The following MDGA2 variants were observed in gnomAD, a reference collection of about 807,000 sequenced individuals.
The protein encoded by MDGA2 is MAM domain-containing glycosylphosphatidylinositol anchor protein 2.
A neutral mutation model predicts 117.8 loss-of-function variants in MDGA2; 40 were observed. That is an observed-to-expected ratio of 0.34 (90% CI 0.26 to 0.44). MDGA2 has a LOEUF of 0.44. MDGA2 is among the 20% of genes least tolerant of loss of function. The probability of loss-of-function intolerance (pLI) is 1.00; values close to 1 mark genes in which losing one functional copy is unlikely to be tolerated. For synonymous variants in MDGA2, 452 were observed against 439.0 expected, an observed-to-expected ratio of 1.03 and a Z score of -0.37; for missense variants, 1,123 against 1,250.6, an observed-to-expected ratio of 0.90 and a Z score of 1.54.
intron 1 of MDGA2, among the ~76,000 whole-genome samples, chr14:47,632,064 T>C (rs552028171): frequency 5.3e-5 from 8 of 152,260 alleles, no homozygotes; most frequent in South Asian, 2.1e-4. Context: ...CATGAAACCA[T>C]ATGAATACTG....
chr14:47,488,436 C>T (rs1020372877), intron 1 of MDGA2, among the ~76,000 whole-genome samples: 1 of 152,040 alleles, frequency 6.6e-6, no homozygotes, highest in Non-Finnish European at 1.5e-5. Flanking sequence ...ACTTTGTGTG[C>T]TTTGTGACTG....
At chr14:47,126,705 C>T (rs186423973) in intron 5 of MDGA2, among the ~76,000 whole-genome samples, 1 of 152,076 alleles carries the variant, frequency 6.6e-6, no homozygotes, top group Non-Finnish European at 1.5e-5. Flanking sequence ...ACAAGGACTA[C>T]ATATTATTAT....
intron 8 of MDGA2, among the ~76,000 whole-genome samples, chr14:47,023,198 T>TAAAAAAA (rs71985853): frequency 2.9e-5 from 3 of 102,852 alleles, no homozygotes; most frequent in Admixed American, 9.8e-5. Flanking sequence ...TTCCCACTCG[T>TAAAAAAA]AAAAAAAAAA....
intron 8 of MDGA2, among the ~76,000 whole-genome samples, chr14:47,018,994 T>C (rs1888188245): frequency 6.6e-6 from 1 of 152,132 alleles, no homozygotes. Flanking sequence ...ATTATAATCT[T>C]TCTAGTATAC....
intron 1 of MDGA2, among the ~76,000 whole-genome samples, chr14:47,569,574 T>C (rs766775384): frequency 4.6e-5 from 7 of 152,134 alleles, no homozygotes; most frequent in Non-Finnish European, 8.8e-5. Context: ...ACACCAAAAA[T>C]GGTAGGGCAG....
At chr14:46,966,771 T>TTTTTTTTTTTTTTTTTTTTTTTTTTGAG (rs1355567074) in intron 8 of MDGA2, among the ~76,000 whole-genome samples, 1 of 152,024 alleles carries the variant, frequency 6.6e-6, no homozygotes, top group East Asian at 1.9e-4. Flanking sequence ...TTTCTTTTTG[T>TTTTTTTTTTTTTTTTTTTTTTTTTTGAG]ATCTACTGGC....
chr14:46,982,734 A>AAAAAAAAAAAAAAATAAT (rs1449356596), intron 8 of MDGA2, among the ~76,000 whole-genome samples: 11 of 130,326 alleles, frequency 8.4e-5, no homozygotes, highest in Non-Finnish European at 1.5e-4. Flanking sequence ...AAAAAAAAAA[A>AAAAAAAAAAAAAAATAAT]AATCATGTCA....
chr14:47,596,798 T>C (rs1896552141), intron 1 of MDGA2, among the ~76,000 whole-genome samples: 1 of 152,170 alleles, frequency 6.6e-6, no homozygotes, highest in South Asian at 2.1e-4. Context: ...ATTTTGTTAT[T>C]CCCCTTTGTG....
intron 2 of MDGA2, among the ~76,000 whole-genome samples, chr14:47,269,960 AT>A (rs1888092986): frequency 6.6e-6 from 1 of 152,168 alleles, no homozygotes. Flanking sequence ...TGATTATTAC[AT>A]TATGACTTGA....
intron 1 of MDGA2, among the ~76,000 whole-genome samples, chr14:47,349,375 TCAA>T (rs895306672): frequency 2.6e-5 from 4 of 152,224 alleles, no homozygotes; most frequent in African/African-American, 9.6e-5. Context: ...TAATAAATAC[TCAA>T]CAAATGATAA....
At chr14:47,490,932 A>T (rs1232625536) in intron 1 of MDGA2, among the ~76,000 whole-genome samples, 1 of 152,004 alleles carries the variant, frequency 6.6e-6, no homozygotes, top group Non-Finnish European at 1.5e-5. Context: ...AATAAGAGGG[A>T]ACAACATTTC....
At chr14:47,420,268 C>T (rs746576532) in intron 1 of MDGA2, among the ~76,000 whole-genome samples, 2 of 152,030 alleles carry the variant, frequency 1.3e-5, no homozygotes, top group Non-Finnish European at 2.9e-5. Context: ...ATAATTCTGG[C>T]ATAGTAACAC....
intron 1 of MDGA2, among the ~76,000 whole-genome samples, chr14:47,503,765 A>C (rs951830246): frequency 2.0e-5 from 3 of 152,160 alleles, no homozygotes; most frequent in African/African-American, 7.2e-5. Flanking sequence ...CAATACCAAT[A>C]CAATTTTCCT....
At chr14:46,986,340 A>T (rs1421048359) in intron 8 of MDGA2, among the ~76,000 whole-genome samples, 1 of 152,088 alleles carries the variant, frequency 6.6e-6, no homozygotes, top group Non-Finnish European at 1.5e-5. Context: ...ATACCAACAA[A>T]GCCTCTTCAG....
chr14:46,959,251 ATGTGTGTGTGTG>A (rs3985119), intron 8 of MDGA2, among the ~76,000 whole-genome samples: 5,815 of 140,200 alleles, frequency 0.041, 365 homozygotes, highest in Admixed American at 0.18. Flanking sequence ...AATGCTATAT[ATGTGTGTGTGTG>A]TGTGTGTGTG....
chr14:47,464,475 A>G (rs1893558581), intron 1 of MDGA2, among the ~76,000 whole-genome samples: 1 of 152,028 alleles, frequency 6.6e-6, no homozygotes, highest in Admixed American at 6.6e-5. Context: ...TGGCTGAAAA[A>G]CATCAAAGTT....
At chr14:47,447,343 A>C (rs558852956) in intron 1 of MDGA2, among the ~76,000 whole-genome samples, 1 of 152,218 alleles carries the variant, frequency 6.6e-6, no homozygotes, top group South Asian at 2.1e-4. Context: ...ACAGTTTCTG[A>C]ATCCATTTAG....
chr14:47,628,501 T>A (rs1036994930), intron 1 of MDGA2, among the ~76,000 whole-genome samples: 1 of 152,240 alleles, frequency 6.6e-6, no homozygotes, highest in African/African-American at 2.4e-5. Context: ...GTGATTTCTA[T>A]GTAACTTTGT....
At chr14:46,968,924 T>G (rs1366268009) in intron 8 of MDGA2, among the ~76,000 whole-genome samples, 3 of 151,610 alleles carry the variant, frequency 2.0e-5, no homozygotes, top group Admixed American at 6.6e-5. Flanking sequence ...ATCAGTAGTG[T>G]TTCTATATAC....
Sources: allele counts gnomAD v4.1 joint callset (sites outside exome capture counted in the v4.1 genomes callset), GRCh38; gene constraint gnomAD v4.1.1; transcripts MANE v1.5; gene names NCBI Gene and HGNC (gene_info 2026-07-23, HGNC 2026-07-21).